Variants in CSMD1 observed in about 807,000 individuals in gnomAD.
CSMD1 encodes the protein CUB and sushi domain-containing protein 1.
A neutral mutation model predicts 417.5 loss-of-function variants in CSMD1; 213 were observed. The observed-to-expected ratio is 0.51, with a 90% CI of 0.46 to 0.57. CSMD1 has a LOEUF of 0.57. CSMD1 is among the 20% of genes least tolerant of loss of function. The pLI is 0.00. For missense variants in CSMD1, 6,923 were observed against 4,529.7 expected (o/e 1.53, Z -15.17); for synonymous variants, 2,862 against 1,736.8 (o/e 1.65, Z -16.11).
At chr8:3,499,975 C>T (rs926329816) in intron 10 of CSMD1, among the ~76,000 whole-genome samples, 1 of 152,096 alleles carries the variant, frequency 6.6e-6, no homozygotes, top group Non-Finnish European at 1.5e-5. Context: ...GCTCCCTACC[C>T]TTGGCTCAGG....
At chr8:4,882,021 T>G (rs1803435992) in intron 1 of CSMD1, among the ~76,000 whole-genome samples, 1 of 152,064 alleles carries the variant, frequency 6.6e-6, no homozygotes, top group Non-Finnish European at 1.5e-5. Context: ...AACACTTATT[T>G]GCAATCCTGG....
In CSMD1 at chr8:2,938,553, G is replaced by A; in HGVS notation, c.*32C>T. 3 of 1,592,170 alleles carry A rather than the reference G, an allele frequency of 1.9e-6. No individual in the cohort carries two copies. Among genetic ancestry groups the A allele is most frequent in the Non-Finnish European group, 2.6e-6 (3 of 1,167,216 alleles). ...TCACTGCTTGTCCATCAGAGGTATG[G>A]CTATGAATCAGTCCTGTTGGGGCAC... On this transcript the variant is annotated 3_prime_UTR_variant, in exon 70 of 70. Transcript: ENST00000635120.
At chr8:4,000,387 T>C (rs979894969) in intron 4 of CSMD1, among the ~76,000 whole-genome samples, 20 of 152,348 alleles carry the variant, frequency 1.3e-4, no homozygotes, top group South Asian at 4.1e-4. Flanking sequence ...CCTGTCAAAA[T>C]TGTATTTTTG....
intron 3 of CSMD1, among the ~76,000 whole-genome samples, chr8:4,413,238 G>C (rs926953731): frequency 1.3e-5 from 2 of 152,188 alleles, no homozygotes; most frequent in Non-Finnish European, 2.9e-5. Flanking sequence ...GGGTGCAACT[G>C]TGAGCTGGCT....
intron 6 of CSMD1, among the ~76,000 whole-genome samples, chr8:3,718,264 T>A (rs771453870): frequency 1.3e-4 from 20 of 151,576 alleles, no homozygotes; most frequent in African/African-American, 4.9e-4. Context: ...GCAGCTCCCA[T>A]TGTCAGCTTA....
In CSMD1 at chr8:4,819,663, C is replaced by T. The variant is rs80349669; in HGVS notation, c.85+174669G>A. On this transcript the variant is annotated intron_variant, in intron 1 of 69. Transcript: ENST00000635120. ...TCAACAAATATCATCTGTTGTCACC[C>T]CTGTCTCAGTCTTTTGTAAATTCTG... Among the ~76,000 whole-genome samples, 498 of 152,170 alleles carry T rather than the reference C, an allele frequency of 3.3e-3. 8 individuals are homozygous for T. Among genetic ancestry groups the T allele is most frequent in the African/African-American group, 0.011 (469 of 41,514 alleles).
intron 3 of CSMD1, among the ~76,000 whole-genome samples, chr8:4,215,560 T>G (rs549592592): frequency 6.6e-6 from 1 of 152,200 alleles, no homozygotes; most frequent in South Asian, 2.1e-4. Context: ...CTGATAATCA[T>G]AGATCAGGCA....
intron 3 of CSMD1, among the ~76,000 whole-genome samples, chr8:4,287,970 T>C (rs73660732): frequency 9.2e-5 from 14 of 152,214 alleles, no homozygotes; most frequent in African/African-American, 3.4e-4. Flanking sequence ...CCCAAGACAA[T>C]ATGATAATAA....
intron 5 of CSMD1, among the ~76,000 whole-genome samples, chr8:3,817,907 C>T (rs1261646976): frequency 1.3e-5 from 2 of 152,144 alleles, no homozygotes; most frequent in African/African-American, 4.8e-5. Flanking sequence ...GCAGATTCAG[C>T]CCTGTTAACT....
At chr8:2,986,794 G>A (rs532582847) in intron 54 of CSMD1, among the ~76,000 whole-genome samples, 3 of 152,202 alleles carry the variant, frequency 2.0e-5, no homozygotes, top group Non-Finnish European at 2.9e-5. Context: ...GTGAGCCACC[G>A]CGCCCGGCTC....
chr8:4,722,024 T>C (rs141532370), intron 1 of CSMD1, among the ~76,000 whole-genome samples: 41 of 152,244 alleles, frequency 2.7e-4, no homozygotes, highest in Non-Finnish European at 4.7e-4. Context: ...TGGCATCGAA[T>C]GAGGAGATGT....
At chr8:3,352,307 G>T (rs1352157387) in intron 21 of CSMD1, among the ~76,000 whole-genome samples, 5 of 152,270 alleles carry the variant, frequency 3.3e-5, no homozygotes, top group African/African-American at 1.2e-4. Context: ...TGCAGGGAAT[G>T]CCCTAAAACA....
chr8:4,313,194 A>G (rs1405570122), intron 3 of CSMD1, among the ~76,000 whole-genome samples: 1 of 152,148 alleles, frequency 6.6e-6, no homozygotes, highest in East Asian at 1.9e-4. Context: ...TTTTAAACCT[A>G]GGGAATAATA....
At chr8:3,894,491 G>A (rs935444197) in intron 5 of CSMD1, among the ~76,000 whole-genome samples, 2 of 151,976 alleles carry the variant, frequency 1.3e-5, no homozygotes. Flanking sequence ...AGAACTACAA[G>A]TAGTTTTAAC....
chr8:4,356,905 T>C (rs1047210328), intron 3 of CSMD1, among the ~76,000 whole-genome samples: 1 of 152,174 alleles, frequency 6.6e-6, no homozygotes, highest in African/African-American at 2.4e-5. Context: ...GCCCTTTAAA[T>C]CTGAATAAAC....
At chr8:3,716,917 A>C (rs145670899) in intron 6 of CSMD1, among the ~76,000 whole-genome samples, 1 of 152,312 alleles carries the variant, frequency 6.6e-6, no homozygotes, top group East Asian at 1.9e-4. Flanking sequence ...GCTGGAGTAC[A>C]TCCTATTTAA....
intron 6 of CSMD1, among the ~76,000 whole-genome samples, chr8:3,725,465 G>T (rs531164967): frequency 6.6e-6 from 1 of 152,190 alleles, no homozygotes; most frequent in Non-Finnish European, 1.5e-5. Context: ...GGGGCCAAAG[G>T]AGAAATACCG....
At chr8:4,435,930 A>T (rs1269726251) in intron 2 of CSMD1, among the ~76,000 whole-genome samples, 1 of 152,196 alleles carries the variant, frequency 6.6e-6, no homozygotes, top group African/African-American at 2.4e-5. Context: ...TTAGAATTTT[A>T]ACCAAAATCT....
chr8:3,499,917 G>A (rs769258184), intron 10 of CSMD1, among the ~76,000 whole-genome samples: 6 of 152,064 alleles, frequency 3.9e-5, no homozygotes, highest in African/African-American at 1.4e-4. Flanking sequence ...AGAGGAACCC[G>A]GTGTGAGTTC....
Sources: allele counts gnomAD v4.1 joint callset (sites outside exome capture counted in the v4.1 genomes callset), GRCh38; gene constraint gnomAD v4.1.1; transcripts MANE v1.5; gene names NCBI Gene and HGNC (gene_info 2026-07-23, HGNC 2026-07-21).